CYP2B6: variants seen among roughly 807,000 people sequenced by gnomAD.
CYP2B6 encodes the protein cytochrome P450 2B6.
In CYP2B6, 35 loss-of-function variants were observed where a neutral mutation model predicts 43.4. The ratio of observed to expected loss-of-function variants is 0.81; its 90% CI spans 0.62 to 1.07. The LOEUF is 1.07. CYP2B6 is among the 50% of genes least tolerant of loss of function. The probability of loss-of-function intolerance (pLI) is 0.00; values close to 1 mark genes in which losing one functional copy is unlikely to be tolerated. For missense variants in CYP2B6, 624 were observed against 632.8 expected, an observed-to-expected ratio of 0.99 and a Z score of 0.15; for synonymous variants, 239 against 239.2, an observed-to-expected ratio of 1.00 and a Z score of 0.01.
At chr19:41,014,753 G>A (rs1282936846) in intron 8 of CYP2B6, among the ~76,000 whole-genome samples, 1 of 151,158 alleles carries the variant, frequency 6.6e-6, no homozygotes, top group East Asian at 1.9e-4. Context: ...GAAAGACAGA[G>A]GGCAAACCTC....
rs1969335554 is a variant in CYP2B6 at position 41,014,762 on chromosome 19, TCAGA to T, written c.1295-1880_1295-1877del. ...GTGGCAGAAAGACAGAGGGCAAACC[TCAGA>T]CAGTATACAGAGAGGAAGAGAGAGA... On this transcript the variant is annotated intron_variant, in intron 8 of 8. Transcript: ENST00000324071. Among the ~76,000 whole-genome samples, 6 of 148,204 alleles carry T rather than the reference TCAGA, an allele frequency of 4.0e-5. No homozygotes were observed. The South Asian group carries it at 1.3e-3, about 32-fold the overall frequency.
chr19:41,014,010 G>T (rs1277499877), intron 8 of CYP2B6, among the ~76,000 whole-genome samples: 1 of 152,134 alleles, frequency 6.6e-6, no homozygotes, highest in South Asian at 2.1e-4. Context: ...CTTGTTACAA[G>T]AATATACTCT....
intron 8 of CYP2B6, 144 bp from the exon 9 acceptor site, chr19:41,016,502 A>G: frequency 1.3e-6 from 1 of 782,970 alleles, no homozygotes; most frequent in South Asian, 1.6e-5. Context: ...GCAGCTTCCT[A>G]AAAGTCCACC....
At chr19:41,005,329 T>C (rs1969160491) in intron 3 of CYP2B6, among the ~76,000 whole-genome samples, 1 of 151,962 alleles carries the variant, frequency 6.6e-6, no homozygotes. Flanking sequence ...ATCTCTCTTA[T>C]CAAAATTTCT....
rs2144682161 is a variant in CYP2B6 at position 41,016,943 on chromosome 19, GCTTC to G, written c.*122_*125del. The G allele has an allele frequency of 9.1e-7, 1 of 1,102,828 alleles. No homozygotes were observed. Among genetic ancestry groups the G allele is most frequent in the East Asian group, 2.6e-5 (1 of 38,530 alleles). 68.3% of individuals were successfully genotyped at this position (1,102,828 alleles called of 1,614,324 possible). A position where few individuals can be genotyped will look rare whatever the true frequency, so the allele number is the denominator to read the frequency against. On this transcript the variant is annotated 3_prime_UTR_variant, in exon 9 of 9. Coordinates refer to ENST00000324071, the MANE Select transcript of CYP2B6 (RefSeq NM_000767.5). ...CCTCTGAGAGACCTGCTACAAGCCA[GCTTC>G]CTTCCCCTCCATGGCACCAGTTGTC... is the stretch of plus-strand genomic sequence containing the variant.
intron 1 of CYP2B6, among the ~76,000 whole-genome samples, chr19:40,998,030 A>G (rs1969023022): frequency 6.6e-6 from 1 of 152,012 alleles, no homozygotes; most frequent in Admixed American, 6.6e-5. Flanking sequence ...TGAGCCTTGT[A>G]GTTTGAGGCT....
chr19:41,013,468 C>G (rs1174333099), intron 8 of CYP2B6, among the ~76,000 whole-genome samples: 1 of 152,162 alleles, frequency 6.6e-6, no homozygotes. Flanking sequence ...ATCAATCAAC[C>G]ATTGCAAAGT....
Position 41,012,500 on chromosome 19 carries a change from A to C in CYP2B6, c.1152+15A>C. On this transcript the variant is annotated intron_variant, in intron 7 of 8. Coordinates refer to ENST00000324071, the MANE Select transcript of CYP2B6 (RefSeq NM_000767.5). ...TCATCCCCAAGGTAAGACCGGCTGG[A>C]ACCCCATAGCCCTCCTGTTTGGGCA... The C allele has an allele frequency of 6.2e-7, 1 of 1,614,122 alleles. No individual in the cohort carries two copies. The highest frequency in any genetic ancestry group is 8.5e-7 in the Non-Finnish European group (1 of 1,180,000).
chr19:40,996,033 G>A (rs1366594229), intron 1 of CYP2B6, among the ~76,000 whole-genome samples: 1 of 152,110 alleles, frequency 6.6e-6, no homozygotes, highest in African/African-American at 2.4e-5. Context: ...CTTACATCTT[G>A]AGAAAGACAT....
intron 3 of CYP2B6, among the ~76,000 whole-genome samples, chr19:41,006,308 C>T (rs144451511): frequency 1.4e-3 from 204 of 150,358 alleles, no homozygotes; most frequent in African/African-American, 4.8e-3. Flanking sequence ...CAGGCATGTG[C>T]CACCATGTCT....
chr19:40,997,054 C>T (rs1276855947), intron 1 of CYP2B6, among the ~76,000 whole-genome samples: 1 of 151,862 alleles, frequency 6.6e-6, no homozygotes, highest in East Asian at 1.9e-4. Flanking sequence ...CTGTTACATC[C>T]TGGGTACCTG....
chr19:41,006,475 G>A (rs1406970892), intron 3 of CYP2B6, among the ~76,000 whole-genome samples: 3 of 151,784 alleles, frequency 2.0e-5, no homozygotes, highest in Admixed American at 6.6e-5. Flanking sequence ...ATTTATATAA[G>A]CAATTGATTG....
Position 41,016,584 on chromosome 19 carries a change from A to G in CYP2B6, c.1295-62A>G, listed in dbSNP as rs371613060. 7.4e-5 allele frequency: 116 copies of G among 1,572,330 alleles called. No individual in the cohort carries two copies. The East Asian group carries it at 1.0e-3, about 14-fold the overall frequency. ...GACATTTGTGTCTGGGCTTAGGGAC[A>G]TGGCAGAGCGAAGTGTATGCACCTG... On this transcript the variant is annotated intron_variant, in intron 8 of 8. Transcript: ENST00000324071.
chr19:41,012,642 C>T, intron 7 of CYP2B6, 32 bp from the exon 8 acceptor site: 1 of 1,613,450 alleles, frequency 6.2e-7, no homozygotes, highest in Non-Finnish European at 8.5e-7. Flanking sequence ...GAGGGAATGG[C>T]AATATCTTTT....
intron 4 of CYP2B6, among the ~76,000 whole-genome samples, chr19:41,007,800 A>G (rs966138800): frequency 1.3e-5 from 2 of 151,934 alleles, no homozygotes; most frequent in Non-Finnish European, 2.9e-5. Context: ...ATGTTTTTGT[A>G]TTTTTAGTAG....
intron 1 of CYP2B6, among the ~76,000 whole-genome samples, chr19:41,002,799 A>G (rs62109054): frequency 6.6e-6 from 1 of 152,090 alleles, no homozygotes; most frequent in African/African-American, 2.4e-5. Context: ...AGCCTGCCTC[A>G]GCCTCCCAAA....
chr19:41,016,453 C>T (rs552068041), intron 8 of CYP2B6, among the ~76,000 whole-genome samples, 193 bp from the exon 9 acceptor site: 6 of 119,176 alleles, frequency 5.0e-5, no homozygotes, highest in South Asian at 2.8e-4. Context: ...GAGAAATGAA[C>T]GTGGCACATC....
At chr19:40,992,768 C>T (rs1184678174) in intron 1 of CYP2B6, among the ~76,000 whole-genome samples, 2 of 152,130 alleles carry the variant, frequency 1.3e-5, no homozygotes, top group East Asian at 1.9e-4. Flanking sequence ...AATCCACCTG[C>T]CTCGGCCTCC....
At chr19:40,992,920 G>C (rs1010382230) in intron 1 of CYP2B6, among the ~76,000 whole-genome samples, 10 of 152,094 alleles carry the variant, frequency 6.6e-5, no homozygotes, top group Non-Finnish European at 1.5e-5. Flanking sequence ...AATAAACTTT[G>C]AGGAATGTGG....
Sources: gnomAD v4.1 joint callset for allele counts (sites outside exome capture counted in the v4.1 genomes callset) on GRCh38, gnomAD v4.1.1 for gene constraint, MANE v1.5 for transcripts, NCBI Gene and HGNC (gene_info 2026-07-23, HGNC 2026-07-21) for gene names.